Variants in UBE2Q1 observed in about 807,000 individuals in gnomAD.
The protein encoded by UBE2Q1 is ubiquitin conjugating enzyme E2 Q1, also known as ubiquitin-conjugating enzyme E2 Q1.
In UBE2Q1, 6 loss-of-function variants were observed where a neutral mutation model predicts 60.1. That is an observed-to-expected ratio of 0.10 (90% confidence interval 0.05 to 0.20). UBE2Q1 has a LOEUF of 0.20. Among genes scored for constraint, UBE2Q1 ranks in the 10% least tolerant of loss-of-function variants. The pLI is 1.00. For missense variants in UBE2Q1, 262 were observed against 525.8 expected (o/e 0.50, Z 4.91); for synonymous variants, 226 against 208.3 (o/e 1.09, Z -0.73).
Position 154,550,278 on chromosome 1 carries a change from A to T in UBE2Q1, c.*160T>A. 4.2e-6 allele frequency: 4 copies of T among 963,626 alleles called. No individual in the cohort carries two copies. Among genetic ancestry groups the T allele is most frequent in the South Asian group, 1.7e-5 (1 of 58,936 alleles). 59.7% of individuals were successfully genotyped at this position (963,626 alleles called of 1,614,324 possible). Reference sequence around the variant, plus strand: ...AGTTCTGTGTTTGTTTTTTTTCCTTAGCGTTTAGAATAGCCATCATTGTCC... The same window carrying T: ...AGTTCTGTGTTTGTTTTTTTTCCTTTGCGTTTAGAATAGCCATCATTGTCC... On this transcript the variant is annotated 3_prime_UTR_variant, in exon 13 of 13. Coordinates refer to ENST00000292211, the MANE Select transcript of UBE2Q1 (RefSeq NM_017582.7).
intron 4 of UBE2Q1, chr1:154,553,729 A>T (rs1194618082): frequency 6.5e-6 from 1 of 153,984 alleles, no homozygotes; most frequent in Non-Finnish European, 1.4e-5. Context: ...AGAGAGATAT[A>T]TGGAAGAGGT....
At position 154,548,706 on chromosome 1, in the gene UBE2Q1, G is replaced by GTAAGT. The variant is rs1695741452; in HGVS notation, c.*1727_*1731dup. 3.9e-5 allele frequency: 6 copies of GTAAGT among 152,778 alleles called. No individual in the cohort carries two copies. Among genetic ancestry groups the GTAAGT allele is most frequent in the African/African-American group, 1.4e-4 (6 of 41,584 alleles). The allele number at this position is 152,778 out of a possible 1,614,324, so 9.5% of individuals were successfully genotyped here. On this transcript the variant is annotated 3_prime_UTR_variant, in exon 13 of 13. Coordinates refer to ENST00000292211, the MANE Select transcript of UBE2Q1 (RefSeq NM_017582.7). ...ATCTACATTCCAGCCAGGGCTGGTG[G>GTAAGT]TAAGTTCAGAAGAAAGCCACAGAGG...
At chr1:154,555,676 T>C (rs1695871551) in intron 2 of UBE2Q1, 144 bp from the exon 3 acceptor site, 2 of 940,128 alleles carry the variant, frequency 2.1e-6, no homozygotes, top group Middle Eastern at 2.4e-4. Context: ...ATGAGTCTCC[T>C]GATGGACCAA....
intron 10 of UBE2Q1, 120 bp downstream of exon 10, chr1:154,551,651 C>T: frequency 1.3e-6 from 2 of 1,500,294 alleles, no homozygotes; most frequent in South Asian, 2.3e-5. Context: ...GGTGCAGACC[C>T]AGCCCAGCAG....
At chr1:154,557,313 T>C (rs1296635743) in intron 1 of UBE2Q1, among the ~76,000 whole-genome samples, 4 of 152,206 alleles carry the variant, frequency 2.6e-5, no homozygotes, top group Non-Finnish European at 4.4e-5. Flanking sequence ...GAGAATACCA[T>C]CACAGCAGGT....
chr1:154,557,945 A>C (rs1160644038), intron 1 of UBE2Q1, among the ~76,000 whole-genome samples: 2 of 152,048 alleles, frequency 1.3e-5, no homozygotes, highest in Admixed American at 6.5e-5. Flanking sequence ...GAGTAGCCAA[A>C]AAGAGCCAAA....
intron 3 of UBE2Q1, 70 bp downstream of exon 3, chr1:154,555,358 C>A (rs1244975688): frequency 1.5e-6 from 2 of 1,325,250 alleles, no homozygotes; most frequent in East Asian, 4.6e-5. Context: ...ACTGATTTGT[C>A]TCAATTATTT....
chr1:154,556,499 C>T (rs1695890525), intron 1 of UBE2Q1, among the ~76,000 whole-genome samples: 1 of 152,236 alleles, frequency 6.6e-6, no homozygotes, highest in South Asian at 2.1e-4. Context: ...AATCTACCCA[C>T]ACCACTTCCA....
rs1170856945 is a variant in UBE2Q1 at position 154,549,753 on chromosome 1, T to C, written c.*685A>G. 1 of 152,708 alleles carries C rather than the reference T, an allele frequency of 6.5e-6. No individual in the cohort carries two copies. The highest frequency in any genetic ancestry group is 6.5e-5 in the Admixed American group (1 of 15,290). The allele number at this position is 152,708 out of a possible 1,614,324, so 9.5% of individuals were successfully genotyped here. A position where few individuals can be genotyped will look rare whatever the true frequency, so the allele number is the denominator to read the frequency against. On this transcript the variant is annotated 3_prime_UTR_variant, in exon 13 of 13. Transcript: ENST00000292211. Reference sequence around the variant, plus strand: ...CACATTGTAGTTTGGCAGGCCAGGCTCTGCATTCCAAGGGGGCAAGTGCTG... The same window carrying C: ...CACATTGTAGTTTGGCAGGCCAGGCCCTGCATTCCAAGGGGGCAAGTGCTG...
At position 154,548,868 on chromosome 1, in the gene UBE2Q1, G is replaced by A. The variant is rs1695744048; in HGVS notation, c.*1570C>T. 1 of 152,628 alleles carries A rather than the reference G, an allele frequency of 6.6e-6. No homozygotes were observed. Among genetic ancestry groups the A allele is most frequent in the Non-Finnish European group, 1.5e-5 (1 of 68,056 alleles). The allele number at this position is 152,628 out of a possible 1,614,324, so 9.5% of individuals were successfully genotyped here. A position where few individuals can be genotyped will look rare whatever the true frequency, so the allele number is the denominator to read the frequency against. On this transcript the variant is annotated 3_prime_UTR_variant, in exon 13 of 13. Coordinates refer to ENST00000292211, the MANE Select transcript of UBE2Q1 (RefSeq NM_017582.7). ...GTTAGAGCAGCATTGAGTGGGACTGGTGGACTCTCCATCCACCTAAAGCAG... is the reference window on the plus strand; with the variant it reads ...GTTAGAGCAGCATTGAGTGGGACTGATGGACTCTCCATCCACCTAAAGCAG...
chr1:154,552,660 A>C, intron 6 of UBE2Q1, 76 bp downstream of exon 6: 3 of 1,514,908 alleles, frequency 2.0e-6, no homozygotes, highest in Non-Finnish European at 1.8e-6. Flanking sequence ...GGACCCCAGA[A>C]CCTCTTGGGC....
In UBE2Q1 at chr1:154,558,242, G is replaced by A; in HGVS notation, c.312C>T (p.Ile104=). 6 of 1,553,368 alleles carry A rather than the reference G, an allele frequency of 3.9e-6. No homozygotes were observed. The South Asian group carries it at 7.1e-5, about 18-fold the overall frequency. ...GGGTCCTCACCGTGATGTTGCAGTG[G>A]ATGCGGACAGGATCCCCAGGCACCG... is the stretch of plus-strand genomic sequence containing the variant. ...RGSVPGDPVR[I]HCNITESYPA... The change falls in exon 1 of 13, where the codon ATC becomes ATT. Residue 104 remains isoleucine (I), a synonymous_variant. Coordinates refer to ENST00000292211, the MANE Select transcript of UBE2Q1 (RefSeq NM_017582.7).
At chr1:154,551,651 C>G (rs377357661) in intron 10 of UBE2Q1, 120 bp downstream of exon 10, 1 of 1,500,294 alleles carries the variant, frequency 6.7e-7, no homozygotes, top group East Asian at 2.3e-5. Context: ...GGTGCAGACC[C>G]AGCCCAGCAG....
In UBE2Q1 at chr1:154,551,909, C is replaced by T. The variant is rs779953144; in HGVS notation, c.1025+12G>A. On this transcript the variant is annotated intron_variant, in intron 9 of 12. Coordinates refer to ENST00000292211, the MANE Select transcript of UBE2Q1 (RefSeq NM_017582.7). Reference sequence around the variant, plus strand: ...CAGAGGAGATGCCCTCTTCCGCATGCCAGCCACTCACCCTCCAGAGAGGAC... The same window carrying T: ...CAGAGGAGATGCCCTCTTCCGCATGTCAGCCACTCACCCTCCAGAGAGGAC... 16 of 1,614,062 alleles carry T rather than the reference C, an allele frequency of 9.9e-6. No homozygotes were observed. Among genetic ancestry groups the T allele is most frequent in the African/African-American group, 1.3e-5 (1 of 74,912 alleles).
chr1:154,553,123 T>A lies in UBE2Q1; in HGVS notation c.638A>T (p.Glu213Val). 6.2e-7 allele frequency: 1 copy of A among 1,614,010 alleles called. No individual in the cohort carries two copies. Among genetic ancestry groups the A allele is most frequent in the African/African-American group, 1.3e-5 (1 of 75,040 alleles). Reference sequence around the variant, plus strand: ...GCCATCATCTTCAGATTTCTTGCCCTCAGCTGGCTCTTCCTCTTTCATTTC... The same window carrying A: ...GCCATCATCTTCAGATTTCTTGCCCACAGCTGGCTCTTCCTCTTTCATTTC... The part of the protein sequence containing the change: ...HYEMKEEEPA[E>V]GKKSEDDGIG... The change falls in exon 5 of 13, where the codon GAG (glutamate) becomes GTG (valine). Residue 213 changes from glutamate (E) to valine (V), a missense_variant. Around this residue, in one of 5 missense-constraint regions of UBE2Q1, gnomAD observed 111 missense variants for 266.8 expected, o/e 0.42. Coordinates refer to ENST00000292211, the MANE Select transcript of UBE2Q1 (RefSeq NM_017582.7).
rs1439324656 is a variant in UBE2Q1, at chr1:154,550,910, A to G, written c.1237+28T>C. On this transcript the variant is annotated intron_variant, in intron 12 of 12. Transcript: ENST00000292211. ...AAACCTGGGTGTGGCAAGTGTCCGAATCTCCTGAGTCCTGGCTCCAGCCTC... is the reference window on the plus strand; with the variant it reads ...AAACCTGGGTGTGGCAAGTGTCCGAGTCTCCTGAGTCCTGGCTCCAGCCTC... 3 of 1,613,870 alleles carry G rather than the reference A, an allele frequency of 1.9e-6. No individual in the cohort carries two copies. In the African/African-American group the frequency reaches 4.0e-5, roughly 22 times the overall value.
chr1:154,550,589 G>A (rs1399266911), intron 12 of UBE2Q1, 120 bp from the exon 13 acceptor site: 7 of 1,551,400 alleles, frequency 4.5e-6, no homozygotes, highest in Non-Finnish European at 6.1e-6. Flanking sequence ...GGGCTATGCT[G>A]TGTGGGGAGA....
intron 3 of UBE2Q1, chr1:154,554,995 G>T (rs1030836265): frequency 1.2e-5 from 7 of 565,560 alleles, no homozygotes; most frequent in Non-Finnish European, 1.6e-5. Flanking sequence ...CACTGCCAAA[G>T]AATAAAAGAA....
intron 1 of UBE2Q1, among the ~76,000 whole-genome samples, chr1:154,556,449 C>A (rs1440078959): frequency 6.6e-6 from 1 of 152,220 alleles, no homozygotes; most frequent in Non-Finnish European, 1.5e-5. Context: ...AAAAACTAGA[C>A]TGTATCTCCA....
Sources: allele counts gnomAD v4.1 joint callset (sites outside exome capture counted in the v4.1 genomes callset), GRCh38; gene constraint gnomAD v4.1.1; regional missense constraint gnomAD v4.1.1; transcripts MANE v1.5; gene names NCBI Gene and HGNC (gene_info 2026-07-23, HGNC 2026-07-21).